The following AGAP1 variants were observed in gnomAD, a reference collection of about 807,000 sequenced individuals.
AGAP1 encodes the protein ArfGAP with GTPase domain, ankyrin repeat and PH domain 1, also known as arf-GAP with GTPase, ANK repeat and PH domain-containing protein 1.
AGAP1 carries 29 observed loss-of-function variants against 105.3 expected under a neutral mutation model. The observed-to-expected ratio is 0.28, with a 90% CI of 0.21 to 0.38. AGAP1 has a LOEUF of 0.38. AGAP1 is among the 10% of genes least tolerant of loss of function. The probability of loss-of-function intolerance (pLI) is 1.00; values close to 1 mark genes in which losing one functional copy is unlikely to be tolerated. For missense variants in AGAP1, 998 were observed against 1,165.1 expected (o/e 0.86, Z 2.09); for synonymous variants, 509 against 485.9 (o/e 1.05, Z -0.63).
rs1005642978 is a variant in AGAP1 at position 235,889,478 on chromosome 2, C to G, written c.1155+6029C>G. The stretch of plus-strand genomic sequence containing the variant: ...GCTGGGTGGTGGCCCTGGGATGTCA[C>G]TTTCCTTCCCACTTAATTGCTTTGG... On this transcript the variant is annotated intron_variant, in intron 10 of 17. Coordinates refer to ENST00000304032, the MANE Select transcript of AGAP1 (RefSeq NM_001037131.3). This position sits in a 1 kb window ranked among gnomAD's most constrained non-coding sequence, Gnocchi z 4.6. 1.3e-5 allele frequency among the ~76,000 whole-genome samples: 2 copies of G among 151,866 alleles called. No homozygotes were observed. Among genetic ancestry groups the G allele is most frequent in the Admixed American group, 1.3e-4 (2 of 15,260 alleles).
At chr2:236,030,383 G>C (rs1236351156) in intron 13 of AGAP1, among the ~76,000 whole-genome samples, 1 of 152,222 alleles carries the variant, frequency 6.6e-6, no homozygotes, top group African/African-American at 2.4e-5. Context: ...CTCTGGTTTT[G>C]AGTTCAGATG....
chr2:235,808,428 GA>G (rs1207734451), intron 9 of AGAP1, among the ~76,000 whole-genome samples: 1 of 152,180 alleles, frequency 6.6e-6, no homozygotes, highest in Non-Finnish European at 1.5e-5. Flanking sequence ...TCGTCCATTT[GA>G]AGCAAATAGG....
chr2:235,581,374 T>C (rs1388723257), intron 1 of AGAP1, among the ~76,000 whole-genome samples: 1 of 149,920 alleles, frequency 6.7e-6, no homozygotes, highest in Non-Finnish European at 1.5e-5. Context: ...TCAGTGGAGG[T>C]GCAGGACTTC....
intron 13 of AGAP1, among the ~76,000 whole-genome samples, chr2:236,034,668 C>T (rs1180085879): frequency 1.3e-5 from 2 of 152,194 alleles, no homozygotes; most frequent in Non-Finnish European, 2.9e-5. Flanking sequence ...CACTCCAGCC[C>T]GTATCGGTCC....
At chr2:235,653,489 TAAAATAAAATATAAC>T (rs1226722688) in intron 1 of AGAP1, among the ~76,000 whole-genome samples, 43 of 135,660 alleles carry the variant, frequency 3.2e-4, no homozygotes, top group African/African-American at 8.2e-4. Flanking sequence ...TAAAATAAAA[TAAAATAAAATATAAC>T]ATAACATAAC....
At chr2:235,686,606 TACGTGGAGATATAG>T (rs2149420145) in intron 1 of AGAP1, among the ~76,000 whole-genome samples, 1 of 118,078 alleles carries the variant, frequency 8.5e-6, no homozygotes, top group East Asian at 2.4e-4. Context: ...TGTATATATA[TACGTGGAGATATAG>T]ATATATATAT....
chr2:235,653,183 C>A (rs918571033), intron 1 of AGAP1, among the ~76,000 whole-genome samples: 1 of 151,946 alleles, frequency 6.6e-6, no homozygotes, highest in Non-Finnish European at 1.5e-5. Context: ...GGGCACATTC[C>A]GGCCGGGCGC....
chr2:235,761,147 T>C (rs908551300), intron 6 of AGAP1, among the ~76,000 whole-genome samples: 1 of 152,156 alleles, frequency 6.6e-6, no homozygotes, highest in Non-Finnish European at 1.5e-5. Context: ...AATCTTAAGG[T>C]TGATGCTGCA....
chr2:235,799,229 C>G lies in AGAP1; in HGVS notation c.802-138C>G. ...CATGACACTAATACACCTGGCAAAG[C>G]CATAGACGCAAGTCAGCCATTCCCA... On this transcript the variant is annotated intron_variant, in intron 7 of 17. Coordinates refer to ENST00000304032, the MANE Select transcript of AGAP1 (RefSeq NM_001037131.3). This position sits in a 1 kb window ranked among gnomAD's most constrained non-coding sequence, Gnocchi z 5.0. 1.1e-6 allele frequency: 1 copy of G among 915,350 alleles called. No individual in the cohort carries two copies. Among genetic ancestry groups the G allele is most frequent in the Non-Finnish European group, 1.7e-6 (1 of 600,718 alleles). 56.7% of individuals were successfully genotyped at this position (915,350 alleles called of 1,614,324 possible).
intron 6 of AGAP1, among the ~76,000 whole-genome samples, chr2:235,770,041 A>G (rs1955297014): frequency 1.3e-5 from 2 of 152,242 alleles, no homozygotes; most frequent in South Asian, 4.1e-4. Flanking sequence ...AAAATACAGG[A>G]AACTGTAAGA....
intron 13 of AGAP1, among the ~76,000 whole-genome samples, chr2:235,998,680 G>A (rs969604693): frequency 8.0e-5 from 12 of 150,440 alleles, no homozygotes; most frequent in African/African-American, 2.4e-4. Flanking sequence ...TGGTGGTGAC[G>A]ATGGTGGTGG....
chr2:235,624,766 A>G (rs992659132), intron 1 of AGAP1, among the ~76,000 whole-genome samples: 11 of 152,138 alleles, frequency 7.2e-5, no homozygotes, highest in African/African-American at 2.7e-4. Context: ...GAAGTGGGGC[A>G]TGGTGGGAGG....
chr2:235,810,982 C>G (rs147152056), intron 9 of AGAP1, among the ~76,000 whole-genome samples: 1 of 151,894 alleles, frequency 6.6e-6, no homozygotes, highest in East Asian at 1.9e-4. Context: ...CATACATAAT[C>G]ACTTGATTGC....
In AGAP1 at chr2:235,866,237, T is replaced by C. The variant is rs916288162; in HGVS notation, c.1051-17108T>C. Among the ~76,000 whole-genome samples the C allele has an allele frequency of 4.6e-5, 7 of 152,148 alleles. No individual in the cohort carries two copies. Among genetic ancestry groups the C allele is most frequent in the African/African-American group, 1.7e-4 (7 of 41,432 alleles). On this transcript the variant is annotated intron_variant, in intron 9 of 17. Coordinates refer to ENST00000304032, the MANE Select transcript of AGAP1 (RefSeq NM_001037131.3). This position sits in a 1 kb window ranked among gnomAD's most constrained non-coding sequence, Gnocchi z 6.1. ...TAGGAGTATCTATAACTTGGTGTGG[T>C]TATTCTTGCAGGTTGAGCCGGGTGC...
rs1371479791 is a variant in AGAP1, at chr2:236,096,115, G to C, written c.2115-24077G>C. 6.6e-6 allele frequency among the ~76,000 whole-genome samples: 1 copy of C among 152,218 alleles called. No homozygotes were observed. The highest frequency in any genetic ancestry group is 2.4e-5 in the African/African-American group (1 of 41,452). ...ACTGATGATGGAACCGCAGTACTAT[G>C]TATCTTACCCTACCATGTGCATAGC... is the stretch of plus-strand genomic sequence containing the variant. On this transcript the variant is annotated intron_variant, in intron 16 of 17. Transcript: ENST00000304032. This position sits in a 1 kb window ranked among gnomAD's most constrained non-coding sequence, Gnocchi z 4.4.
At chr2:235,748,324 T>G (rs376492042) in intron 5 of AGAP1, among the ~76,000 whole-genome samples, 2 of 152,242 alleles carry the variant, frequency 1.3e-5, no homozygotes, top group South Asian at 4.2e-4. Context: ...GGAAGCTGGG[T>G]GGATGCTATG....
chr2:235,648,473 G>A (rs1575037615), intron 1 of AGAP1, among the ~76,000 whole-genome samples: 1 of 152,256 alleles, frequency 6.6e-6, no homozygotes, highest in East Asian at 1.9e-4. Flanking sequence ...ACGAGACTAA[G>A]GTGAGGTTAC....
rs577420552 is a variant in AGAP1, at chr2:235,577,592, G to T, written c.163+82743G>T. On this transcript the variant is annotated intron_variant, in intron 1 of 17. Coordinates refer to ENST00000304032, the MANE Select transcript of AGAP1 (RefSeq NM_001037131.3). This position sits in a 1 kb window ranked among gnomAD's most constrained non-coding sequence, Gnocchi z 4.5. The stretch of plus-strand genomic sequence containing the variant: ...AGAGTCCCTTGCTGCCCGGAGCATG[G>T]CTGTGTGGCTGCCTGACTACATGGT... Among the ~76,000 whole-genome samples the T allele has an allele frequency of 6.6e-6, 1 of 152,256 alleles. No homozygotes were observed. The highest frequency in any genetic ancestry group is 6.5e-5 in the Admixed American group (1 of 15,284).
At position 235,535,640 on chromosome 2, in the gene AGAP1, C is replaced by T. The variant is rs901937146; in HGVS notation, c.163+40791C>T. On this transcript the variant is annotated intron_variant, in intron 1 of 17. Coordinates refer to ENST00000304032, the MANE Select transcript of AGAP1 (RefSeq NM_001037131.3). This position sits in a 1 kb window ranked among gnomAD's most constrained non-coding sequence, Gnocchi z 5.1. ...CGGGCGGGGCTGTGCCAGGCACCCG[C>T]GTCGCGCTCCAGCTCCAGCCCTTTA... 1.3e-5 allele frequency among the ~76,000 whole-genome samples: 2 copies of T among 152,052 alleles called. No individual in the cohort carries two copies. The highest frequency in any genetic ancestry group is 4.8e-5 in the African/African-American group (2 of 41,400).
Sources: allele counts gnomAD v4.1 joint callset (sites outside exome capture counted in the v4.1 genomes callset), GRCh38; gene constraint gnomAD v4.1.1; non-coding constraint Gnocchi (gnomAD v3.1); transcripts MANE v1.5; gene names NCBI Gene and HGNC (gene_info 2026-07-23, HGNC 2026-07-21).